The following CACNA1C variants were observed in gnomAD, a reference collection of about 807,000 sequenced individuals.
CACNA1C encodes voltage-dependent L-type calcium channel subunit alpha-1C.
CACNA1C carries 30 observed loss-of-function variants against 229.0 expected under a neutral mutation model. The observed-to-expected ratio is 0.13, with a 90% confidence interval of 0.10 to 0.18. CACNA1C has a LOEUF of 0.18. Ranked by LOEUF, CACNA1C falls within the 10% of genes least tolerant of loss-of-function variation. The pLI is 1.00. For missense variants in CACNA1C, 1,658 were observed against 2,845.0 expected, an observed-to-expected ratio of 0.58 and a Z score of 9.49; for synonymous variants, 1,114 against 1,132.5, an observed-to-expected ratio of 0.98 and a Z score of 0.33.
At chr12:2,345,111 A>G (rs73605778) in intron 3 of CACNA1C, among the ~76,000 whole-genome samples, 2 of 150,742 alleles carry the variant, frequency 1.3e-5, no homozygotes, top group African/African-American at 2.5e-5. Flanking sequence ...TGCATGCTCA[A>G]TCAGAACCAG....
intron 7 of CACNA1C, among the ~76,000 whole-genome samples, chr12:2,502,143 T>C (rs2099761974): frequency 6.6e-6 from 1 of 152,242 alleles, no homozygotes; most frequent in Admixed American, 6.5e-5. Flanking sequence ...CCCTGCGTGC[T>C]TCCTTCTGCA....
rs180701761 is a variant in CACNA1C at position 2,236,343 on chromosome 12, C to T, written c.477+115913C>T. Reference sequence around the variant, plus strand: ...CATTGAGCAGCAGTGCTGTAGTAGACTACTATCATGCCTGTGTACTAATTT... The same window carrying T: ...CATTGAGCAGCAGTGCTGTAGTAGATTACTATCATGCCTGTGTACTAATTT... On this transcript the variant is annotated intron_variant, in intron 3 of 46. Transcript: ENST00000399655. 3.6e-3 allele frequency among the ~76,000 whole-genome samples: 550 copies of T among 152,312 alleles called. 6 individuals carry two copies. The highest frequency in any genetic ancestry group is 7.3e-3 in the Admixed American group (112 of 15,306).
chr12:2,014,453 C>T (rs2044982680), intron 1 of CACNA1C, among the ~76,000 whole-genome samples: 1 of 152,152 alleles, frequency 6.6e-6, no homozygotes, highest in Non-Finnish European at 1.5e-5. Context: ...ATTTATGAAG[C>T]TCTTACCATG....
rs560105807 is a variant in CACNA1C, at chr12:2,198,226, A to G, written c.477+77796A>G. On this transcript the variant is annotated intron_variant, in intron 3 of 46. Coordinates refer to ENST00000399655, the MANE Select transcript of CACNA1C (RefSeq NM_000719.7). Reference sequence around the variant, plus strand: ...GTTTGTGCCTTCGTCCTTTAAGACAATACCCAGATCTGGCAGCATCTTCTG... The same window carrying G: ...GTTTGTGCCTTCGTCCTTTAAGACAGTACCCAGATCTGGCAGCATCTTCTG... 2.0e-5 allele frequency among the ~76,000 whole-genome samples: 3 copies of G among 152,294 alleles called. No homozygotes were observed. In the South Asian group the frequency reaches 6.2e-4, roughly 32 times the overall value.
At position 2,120,496 on chromosome 12, in the gene CACNA1C, A is replaced by G. The variant is rs529144188; in HGVS notation, c.477+66A>G. 7 of 899,300 alleles carry G rather than the reference A, an allele frequency of 7.8e-6. No homozygotes were observed. In the South Asian group the frequency reaches 9.3e-5, roughly 12 times the overall value. The allele number at this position is 899,300 out of a possible 1,614,324, so 55.7% of individuals were successfully genotyped here. On this transcript the variant is annotated intron_variant, in intron 3 of 46. Coordinates refer to ENST00000399655, the MANE Select transcript of CACNA1C (RefSeq NM_000719.7). ...GGAGAACTGCGTTCAGATCACATAG[A>G]TGCATGGAATGTGGGAGAGAAGTGA...
Position 2,609,000 on chromosome 12 carries a change from A to G in CACNA1C, c.3558+288A>G, listed in dbSNP as rs1478600650. Among the ~76,000 whole-genome samples the G allele has an allele frequency of 6.6e-6, 1 of 152,238 alleles. No homozygotes were observed. Among genetic ancestry groups the G allele is most frequent in the Non-Finnish European group, 1.5e-5 (1 of 68,036 alleles). ...TTTTGTCAAATCTCATGCCCTATAT[A>G]GAAGTTAACAAGTTAGAGGGACCCA... On this transcript the variant is annotated intron_variant, in intron 27 of 46. Coordinates refer to ENST00000399655, the MANE Select transcript of CACNA1C (RefSeq NM_000719.7). The surrounding 1 kb of genome is among the most constrained non-coding windows in gnomAD (Gnocchi z 4.2).
At chr12:2,628,336 G>A (rs537703629) in intron 29 of CACNA1C, among the ~76,000 whole-genome samples, 10 of 152,162 alleles carry the variant, frequency 6.6e-5, no homozygotes, top group African/African-American at 1.4e-4. Context: ...ACATGAACTC[G>A]AGTCTTACAA....
chr12:2,154,155 C>A (rs1180439264), intron 3 of CACNA1C, among the ~76,000 whole-genome samples: 1 of 152,210 alleles, frequency 6.6e-6, no homozygotes, highest in Non-Finnish European at 1.5e-5. Flanking sequence ...GTTTAAAAAT[C>A]TTGGGTTCTT....
Position 2,412,388 on chromosome 12 carries a change from T to C in CACNA1C, c.478-36588T>C, listed in dbSNP as rs903510442. 5.3e-5 allele frequency among the ~76,000 whole-genome samples: 8 copies of C among 152,376 alleles called. No homozygotes were observed. The East Asian group carries it at 1.5e-3, about 29-fold the overall frequency. On this transcript the variant is annotated intron_variant, in intron 3 of 46. Transcript: ENST00000399655. ...GTGCTCTTCAGGCCCTCCCTGGATC[T>C]TTTGAGATCATGGGGATAAGGGGCG...
chr12:2,456,615 G>A (rs1015401672), intron 4 of CACNA1C, among the ~76,000 whole-genome samples: 13 of 152,136 alleles, frequency 8.5e-5, no homozygotes, highest in Non-Finnish European at 1.5e-4. Flanking sequence ...GCCTGGAACA[G>A]TCTCCAGATA....
chr12:2,681,056 C>A (rs1238724152), intron 42 of CACNA1C, among the ~76,000 whole-genome samples: 4 of 152,114 alleles, frequency 2.6e-5, no homozygotes, highest in African/African-American at 9.7e-5. Flanking sequence ...CTTTGAGGAC[C>A]CAAGTACTGG....
intron 3 of CACNA1C, among the ~76,000 whole-genome samples, chr12:2,367,028 G>A (rs1017539456): frequency 6.6e-6 from 1 of 152,126 alleles, no homozygotes; most frequent in Non-Finnish European, 1.5e-5. Flanking sequence ...CCCCTCCACC[G>A]ACATGTGGGG....
rs1433183803 is a variant in CACNA1C at position 2,054,925 on chromosome 12, C to T, written c.49+1314C>T. Reference sequence around the variant, plus strand: ...TCCAGCTTTTTCCCTCTGTTTGCTCCCAGCTCCACCTTTTGGGGACAGGGC... The same window carrying T: ...TCCAGCTTTTTCCCTCTGTTTGCTCTCAGCTCCACCTTTTGGGGACAGGGC... On this transcript the variant is annotated intron_variant, in intron 1 of 46. Coordinates refer to ENST00000399655, the MANE Select transcript of CACNA1C (RefSeq NM_000719.7). This position sits in a 1 kb window ranked among gnomAD's most constrained non-coding sequence, Gnocchi z 5.5. Among the ~76,000 whole-genome samples the T allele has an allele frequency of 6.6e-6, 1 of 152,132 alleles. No homozygotes were observed. Among genetic ancestry groups the T allele is most frequent in the African/African-American group, 2.4e-5 (1 of 41,424 alleles).
Position 2,143,938 on chromosome 12 carries a change from C to A in CACNA1C, c.477+23508C>A, listed in dbSNP as rs1014333941. On this transcript the variant is annotated intron_variant, in intron 3 of 46. Transcript: ENST00000399655. ...ACACCCAGTGCTATTTACATGCTAT[C>A]TATATGATGTAAGTTGTGTCTTTAC... 2.0e-5 allele frequency among the ~76,000 whole-genome samples: 3 copies of A among 150,288 alleles called. No individual in the cohort carries two copies. The Admixed American group carries it at 2.0e-4, about 10-fold the overall frequency.
At chr12:2,409,618 A>G (rs1261087636) in intron 3 of CACNA1C, among the ~76,000 whole-genome samples, 1 of 152,256 alleles carries the variant, frequency 6.6e-6, no homozygotes, top group Admixed American at 6.5e-5. Context: ...AAACCAAATT[A>G]GAAATGATGT....
At chr12:2,004,275 C>A in intron 1 of CACNA1C, 1 of 1,613,008 alleles carries the variant, frequency 6.2e-7, no homozygotes, top group Non-Finnish European at 8.5e-7. Context: ...GCCGCGTCCG[C>A]ACGCACCCAC....
intron 3 of CACNA1C, among the ~76,000 whole-genome samples, chr12:2,366,076 A>G (rs1385022038): frequency 6.6e-6 from 1 of 152,250 alleles, no homozygotes; most frequent in East Asian, 1.9e-4. Flanking sequence ...CCAGGACCCC[A>G]GCATAGTATA....
At chr12:2,584,760 T>C in intron 16 of CACNA1C, 143 bp downstream of exon 16, 1 of 607,514 alleles carries the variant, frequency 1.6e-6, no homozygotes, top group Non-Finnish European at 3.0e-6. Flanking sequence ...GCTTCCTAAG[T>C]TGGGCCTCTC....
At chr12:2,588,517 G>C (rs2063588752) in intron 18 of CACNA1C, among the ~76,000 whole-genome samples, 1 of 152,220 alleles carries the variant, frequency 6.6e-6, no homozygotes, top group Non-Finnish European at 1.5e-5. Context: ...GAGTGGCCAA[G>C]TGGGAGCTGG....
Sources: allele counts gnomAD v4.1 joint callset (sites outside exome capture counted in the v4.1 genomes callset), GRCh38; gene constraint gnomAD v4.1.1; non-coding constraint Gnocchi (gnomAD v3.1); transcripts MANE v1.5; gene names NCBI Gene and HGNC (gene_info 2026-07-23, HGNC 2026-07-21).